The following SLC10A7 variants were observed in gnomAD, a reference collection of about 807,000 sequenced individuals.
SLC10A7 encodes sodium/bile acid cotransporter 7.
SLC10A7 carries 29 observed loss-of-function variants against 43.2 expected under a neutral mutation model. That is an observed-to-expected ratio of 0.67 (90% CI 0.50 to 0.92). The LOEUF (loss-of-function observed/expected upper bound fraction) is 0.92. Among genes scored for constraint, SLC10A7 ranks in the 40% least tolerant of loss-of-function variants. The pLI, the probability that SLC10A7 is intolerant of heterozygous loss-of-function variation, is 0.00. For missense variants in SLC10A7, 295 were observed against 403.2 expected (o/e 0.73, Z 2.30); for synonymous variants, 152 against 144.8 (o/e 1.05, Z -0.35).
chr4:146,356,145 T>G (rs1305044824), intron 5 of SLC10A7, among the ~76,000 whole-genome samples: 3 of 151,088 alleles, frequency 2.0e-5, no homozygotes, highest in African/African-American at 7.3e-5. Context: ...TTTCATATTT[T>G]GGCTCTCATG....
At chr4:146,480,321 T>C (rs1171719089) in intron 4 of SLC10A7, among the ~76,000 whole-genome samples, 3 of 152,124 alleles carry the variant, frequency 2.0e-5, no homozygotes, top group Non-Finnish European at 2.9e-5. Context: ...TATAACCTTA[T>C]ATATTTTATA....
At chr4:146,450,256 G>A (rs1731465630) in intron 4 of SLC10A7, among the ~76,000 whole-genome samples, 1 of 152,006 alleles carries the variant, frequency 6.6e-6, no homozygotes, top group African/African-American at 2.4e-5. Flanking sequence ...TTTTCTTGTT[G>A]TTATTCCCTA....
chr4:146,279,024 G>A lies in SLC10A7; in HGVS notation c.847+4168C>T, dbSNP rs116796871. On this transcript the variant is annotated intron_variant, in intron 10 of 11. Transcript: ENST00000335472. ...GATTTGCCTTTGTACACAAATGTCT[G>A]TAAATGGCAAGATATACAGTGGACT... Among the ~76,000 whole-genome samples, 315 of 152,240 alleles carry A rather than the reference G, an allele frequency of 2.1e-3. 3 individuals carry two copies. The highest frequency in any genetic ancestry group is 7.2e-3 in the African/African-American group (301 of 41,552).
chr4:146,356,098 C>G (rs757137831), intron 5 of SLC10A7, among the ~76,000 whole-genome samples: 8 of 146,828 alleles, frequency 5.4e-5, no homozygotes, highest in Non-Finnish European at 1.2e-4. Flanking sequence ...AAAGAAAAAG[C>G]TACAATTCGA....
At chr4:146,300,280 G>T (rs1731073684) in intron 7 of SLC10A7, among the ~76,000 whole-genome samples, 2 of 152,140 alleles carry the variant, frequency 1.3e-5, no homozygotes, top group South Asian at 4.1e-4. Flanking sequence ...GGTCCAACAA[G>T]CCTGCTATAG....
rs1043089129 is a variant in SLC10A7, at chr4:146,378,695, T to C, written c.436-52699A>G. 3.9e-5 allele frequency among the ~76,000 whole-genome samples: 6 copies of C among 152,128 alleles called. No homozygotes were observed. In the East Asian group the frequency reaches 7.7e-4, roughly 20 times the overall value. ...GAGGCTTAGTCAACTCTGGAGAATA[T>C]AGATTAAGATAGAGAAAAAGGCCAA... On this transcript the variant is annotated intron_variant, in intron 5 of 11. Transcript: ENST00000335472.
chr4:146,451,962 C>T (rs1274144047), intron 4 of SLC10A7, among the ~76,000 whole-genome samples: 1 of 151,998 alleles, frequency 6.6e-6, no homozygotes. Context: ...GCAGAATAAA[C>T]GCCAGCAGCC....
chr4:146,417,132 T>A (rs1728632278), intron 5 of SLC10A7, among the ~76,000 whole-genome samples: 1 of 152,242 alleles, frequency 6.6e-6, no homozygotes, highest in South Asian at 2.1e-4. Flanking sequence ...TTATCTGTTT[T>A]ATACATTTTC....
chr4:146,422,912 T>C (rs988028617), intron 5 of SLC10A7, among the ~76,000 whole-genome samples: 4 of 152,150 alleles, frequency 2.6e-5, no homozygotes, highest in African/African-American at 9.6e-5. Flanking sequence ...CTTTCATATA[T>C]ACTAATTAAT....
At chr4:146,485,735 T>C (rs1734853319) in intron 4 of SLC10A7, among the ~76,000 whole-genome samples, 1 of 152,118 alleles carries the variant, frequency 6.6e-6, no homozygotes, top group African/African-American at 2.4e-5. Flanking sequence ...AAAGAGACTA[T>C]GATGATGACA....
intron 4 of SLC10A7, among the ~76,000 whole-genome samples, chr4:146,501,197 T>G (rs775840055): frequency 6.6e-6 from 1 of 152,226 alleles, no homozygotes; most frequent in African/African-American, 2.4e-5. Flanking sequence ...AATACATTTA[T>G]CCACTGATGA....
intron 5 of SLC10A7, among the ~76,000 whole-genome samples, chr4:146,373,850 A>T (rs919909975): frequency 2.0e-5 from 3 of 152,192 alleles, no homozygotes; most frequent in African/African-American, 7.2e-5. Flanking sequence ...TCAGATTTGG[A>T]TGCCAGGAGA....
intron 6 of SLC10A7, among the ~76,000 whole-genome samples, chr4:146,320,615 C>T (rs1026149839): frequency 6.6e-6 from 1 of 151,998 alleles, no homozygotes; most frequent in African/African-American, 2.4e-5. Context: ...GGAGGGCAAG[C>T]TTGCTGGAGA....
At chr4:146,387,283 T>A (rs1435647404) in intron 5 of SLC10A7, among the ~76,000 whole-genome samples, 1 of 152,184 alleles carries the variant, frequency 6.6e-6, no homozygotes, top group East Asian at 1.9e-4. Flanking sequence ...GTCAAGTGGG[T>A]CTTATTCTAG....
intron 5 of SLC10A7, among the ~76,000 whole-genome samples, chr4:146,390,345 TAGGCTGGGTACAGTGGCTCACACCTGTA>T: frequency 6.6e-6 from 1 of 152,218 alleles, no homozygotes; most frequent in East Asian, 1.9e-4. Flanking sequence ...GATAGCTATT[TAGGCTGGGTACAGTGGCTCACACCTGTA>T]ATCCCAGCAC....
chr4:146,300,584 T>A (rs1383986173), intron 7 of SLC10A7, among the ~76,000 whole-genome samples: 2 of 152,188 alleles, frequency 1.3e-5, no homozygotes. Flanking sequence ...CTGAGGATCA[T>A]GCAGCAGCAC....
chr4:146,379,729 C>T (rs1737465600), intron 5 of SLC10A7, among the ~76,000 whole-genome samples: 1 of 152,164 alleles, frequency 6.6e-6, no homozygotes. Context: ...ATATTTTTAT[C>T]CTCTCCAAAG....
In SLC10A7 at chr4:146,394,768, G is replaced by A. The variant is rs554986554; in HGVS notation, c.435+48015C>T. On this transcript the variant is annotated intron_variant, in intron 5 of 11. Transcript: ENST00000335472. Reference sequence around the variant, plus strand: ...GAACCACATAAACAAATGAAAATATGGAAGACATTGGAAAAGATTCAAGTA... The same window carrying A: ...GAACCACATAAACAAATGAAAATATAGAAGACATTGGAAAAGATTCAAGTA... 1.2e-4 allele frequency among the ~76,000 whole-genome samples: 18 copies of A among 152,118 alleles called. No homozygotes were observed. The South Asian group carries it at 3.7e-3, about 32-fold the overall frequency.
At chr4:146,349,422 A>C (rs1734861109) in intron 5 of SLC10A7, among the ~76,000 whole-genome samples, 1 of 152,238 alleles carries the variant, frequency 6.6e-6, no homozygotes, top group Non-Finnish European at 1.5e-5. Flanking sequence ...AATGTAAATT[A>C]TTTCAGCCAC....
Sources: gnomAD v4.1 joint callset for allele counts (sites outside exome capture counted in the v4.1 genomes callset) on GRCh38, gnomAD v4.1.1 for gene constraint, MANE v1.5 for transcripts, NCBI Gene and HGNC (gene_info 2026-07-23, HGNC 2026-07-21) for gene names.